KIAA1614: variants seen among roughly 807,000 people sequenced by gnomAD.
The protein encoded by KIAA1614 is uncharacterized protein KIAA1614.
In KIAA1614, 76 loss-of-function variants were observed where a neutral mutation model predicts 88.7. That is an observed-to-expected ratio of 0.86 (90% confidence interval 0.71 to 1.04). KIAA1614 has a LOEUF of 1.04. Ranked by LOEUF, KIAA1614 falls within the 50% of genes least tolerant of loss-of-function variation. The pLI is 0.00. For missense variants in KIAA1614, 1,553 were observed against 1,582.5 expected (o/e 0.98, Z 0.32); for synonymous variants, 714 against 675.5 (o/e 1.06, Z -0.88).
chr1:180,928,604 G>A (rs1654125282), intron 4 of KIAA1614, 31 bp downstream of exon 4: 1 of 1,602,440 alleles, frequency 6.2e-7, no homozygotes, highest in South Asian at 1.1e-5. Flanking sequence ...GCTAGCCTGG[G>A]AGGGCCATAG....
intron 3 of KIAA1614, among the ~76,000 whole-genome samples, chr1:180,921,556 C>T (rs1269842358): frequency 6.6e-6 from 1 of 152,168 alleles, no homozygotes; most frequent in Admixed American, 6.5e-5. Flanking sequence ...CTCTTGCCAT[C>T]GTGCAGCACT....
intron 1 of KIAA1614, chr1:180,914,108 A>T (rs1407841904): frequency 6.6e-6 from 1 of 151,302 alleles, no homozygotes; most frequent in Non-Finnish European, 1.5e-5. Context: ...ATAACTCCTA[A>T]TTTGTAGTGT....
rs1193479785 is a variant in KIAA1614 at position 180,916,804 on chromosome 1, C to T, written c.701C>T (p.Pro234Leu). ...PGHCNKIIHI[P>L]SPRTGRSYPF... ...CATTGTAACAAAATCATCCACATTCCCAGCCCAAGGACAGGAAGGTCCTAC... is the reference window on the plus strand; with the variant it reads ...CATTGTAACAAAATCATCCACATTCTCAGCCCAAGGACAGGAAGGTCCTAC... Residue 234 changes from proline (P) to leucine (L), a missense_variant, in exon 2 of 9, where the codon CCC (proline) becomes CTC (leucine). Transcript: ENST00000367588. The T allele has an allele frequency of 6.2e-7, 1 of 1,614,240 alleles. No homozygotes were observed. The highest frequency in any genetic ancestry group is 2.2e-5 in the East Asian group (1 of 44,892).
At chr1:180,937,965 G>A (rs1359739391) in intron 5 of KIAA1614, among the ~76,000 whole-genome samples, 1 of 152,150 alleles carries the variant, frequency 6.6e-6, no homozygotes, top group Non-Finnish European at 1.5e-5. Context: ...GGCCCTCGGC[G>A]AGTCCCTCAG....
chr1:180,913,257 A>C lies in KIAA1614; in HGVS notation c.14A>C (p.Glu5Ala). MEGT[E>A]AAAAKPAGGS... ...CCTCTCCGAGGGATGGAGGGGACAG[A>C]GGCGGCGGCGGCCAAACCCGCGGGC... Residue 5 changes from glutamate to alanine, a missense_variant, in exon 1 of 9, where the codon GAG becomes GCG. Physicochemically the swap from Glu to Ala is moderately radical, Grantham distance 107. Coordinates refer to ENST00000367588, the MANE Select transcript of KIAA1614 (RefSeq NM_020950.2). 1.6e-6 allele frequency: 2 copies of C among 1,261,696 alleles called. No individual in the cohort carries two copies. The highest frequency in any genetic ancestry group is 2.0e-6 in the Non-Finnish European group (2 of 997,708). The allele number at this position is 1,261,696 out of a possible 1,614,324, so 78.2% of individuals were successfully genotyped here.
At position 180,932,335 on chromosome 1, in the gene KIAA1614, G is replaced by A. The variant is rs534654653; in HGVS notation, c.1206-2780G>A. On this transcript the variant is annotated intron_variant, in intron 4 of 8. Transcript: ENST00000367588. ...GCAGGGCTGCAATATGACTTTCGGG[G>A]GCCCTAGGCACTTTTGCCTTCGTGG... Among the ~76,000 whole-genome samples the A allele has an allele frequency of 5.9e-5, 9 of 151,974 alleles. No homozygotes were observed. In the Middle Eastern group the frequency reaches 0.01, roughly 172 times the overall value.
At chr1:180,917,562 C>T (rs542511320) in intron 2 of KIAA1614, among the ~76,000 whole-genome samples, 58 of 152,122 alleles carry the variant, frequency 3.8e-4, no homozygotes, top group Admixed American at 7.8e-4. Flanking sequence ...GTACAAGTGT[C>T]CAAACCCTAG....
Position 180,943,033 on chromosome 1 carries a change from T to TTTTTTGTTTGTTTG in KIAA1614, c.3160-1351_3160-1350insGTTTGTTTGTTTTT, listed in dbSNP as rs1553260081. On this transcript the variant is annotated intron_variant, in intron 7 of 8. Coordinates refer to ENST00000367588, the MANE Select transcript of KIAA1614 (RefSeq NM_020950.2). ...TGGGAGGCTTAGTTTTTTGGGTTTT[T>TTTTTTGTTTGTTTG]TTTTTTTTTTTAAGATGGAGTCTCA... 6.0e-5 allele frequency among the ~76,000 whole-genome samples: 4 copies of TTTTTTGTTTGTTTG among 66,572 alleles called. No homozygotes were observed. In the East Asian group the frequency reaches 1.4e-3, roughly 24 times the overall value. The allele number at this position is 66,572 out of a possible 152,430, so 43.7% of individuals were successfully genotyped here.
rs1316618853 is a variant in KIAA1614, at chr1:180,936,322, G to A, written c.2413G>A (p.Gly805Ser). ...GCCAACAGCTTCCTTGTGTCCTGAA[G>A]GCTGGGCGCCAACCCCTCCCCCTTC... ...WQPTASLCPE[G>S]WAPTPPPSRK... The change falls in exon 5 of 9, where the codon GGC (glycine) becomes AGC (serine). Residue 805 changes from glycine to serine, a missense_variant. By Grantham distance (56) the Gly-to-Ser change is moderately conservative. Coordinates refer to ENST00000367588, the MANE Select transcript of KIAA1614 (RefSeq NM_020950.2). 6.2e-7 allele frequency: 1 copy of A among 1,614,146 alleles called. No individual in the cohort carries two copies.
intron 6 of KIAA1614, among the ~76,000 whole-genome samples, chr1:180,940,598 A>T (rs1041979019): frequency 2.0e-5 from 3 of 152,012 alleles, no homozygotes; most frequent in African/African-American, 7.3e-5. Flanking sequence ...CCCAAAAGCA[A>T]CCCAAGCAGA....
Position 180,935,843 on chromosome 1 carries a change from C to G in KIAA1614, c.1934C>G (p.Pro645Arg), listed in dbSNP as rs776463337. Residue 645 changes from proline to arginine, a missense_variant, in exon 5 of 9, where the codon CCG becomes CGG. By Grantham distance (103) the Pro-to-Arg change is moderately radical. Coordinates refer to ENST00000367588, the MANE Select transcript of KIAA1614 (RefSeq NM_020950.2). The surrounding 1 kb of genome is among the most constrained non-coding windows in gnomAD (Gnocchi z 6.1). ...WACGRTQGSS[P>R]RLRLRGSRPR... ...TGTGGGCGGACCCAAGGCAGCAGCC[C>G]GCGACTGCGACTGCGGGGCTCCAGG... 5.0e-6 allele frequency: 8 copies of G among 1,613,612 alleles called. No homozygotes were observed. The highest frequency in any genetic ancestry group is 4.0e-5 in the African/African-American group (3 of 75,044).
intron 7 of KIAA1614, 145 bp downstream of exon 7, chr1:180,941,430 G>T: frequency 3.9e-6 from 4 of 1,025,332 alleles, no homozygotes; most frequent in Non-Finnish European, 5.6e-6. Flanking sequence ...GCATCCCCAT[G>T]GTTGACCCAT....
Position 180,945,677 on chromosome 1 carries a change from C to T in KIAA1614, c.*89C>T. On this transcript the variant is annotated 3_prime_UTR_variant, in exon 9 of 9. Coordinates refer to ENST00000367588, the MANE Select transcript of KIAA1614 (RefSeq NM_020950.2). ...CTCTTTCTGAATTGTCCAGGGCTCT[C>T]TAGGAGTCTGCACCTGCAGAGCCTT... is the stretch of plus-strand genomic sequence containing the variant. 2 of 1,452,204 alleles carry T rather than the reference C, an allele frequency of 1.4e-6. No homozygotes were observed. The highest frequency in any genetic ancestry group is 6.1e-5 in the Admixed American group (2 of 32,810). The allele number at this position is 1,452,204 out of a possible 1,614,324, so 90.0% of individuals were successfully genotyped here.
At chr1:180,934,340 G>A (rs1000349183) in intron 4 of KIAA1614, among the ~76,000 whole-genome samples, 5 of 151,708 alleles carry the variant, frequency 3.3e-5, no homozygotes, top group Non-Finnish European at 7.4e-5. Context: ...TGTAATACCA[G>A]AACTTTGGGA....
At position 180,916,345 on chromosome 1, in the gene KIAA1614, C is replaced by G. The variant is rs573315494; in HGVS notation, c.242C>G (p.Ser81Cys). Residue 81 changes from serine to cysteine, a missense_variant, in exon 2 of 9, where the codon TCT (serine) becomes TGT (cysteine). Physicochemically the swap from Ser to Cys is moderately radical, Grantham distance 112 (BLOSUM62 -1). Transcript: ENST00000367588. ...RVWGVQLQGP[S>C]VLESKVRALK... ...TGGGGAGTACAGCTCCAGGGCCCCT[C>G]TGTGCTGGAATCCAAGGTGAGGGCT... 4 of 1,614,178 alleles carry G rather than the reference C, an allele frequency of 2.5e-6. No individual in the cohort carries two copies. Among genetic ancestry groups the G allele is most frequent in the African/African-American group, 2.7e-5 (2 of 75,050 alleles).
chr1:180,949,750 A>G lies in KIAA1614; in HGVS notation c.*4162A>G, dbSNP rs1654688869. 6.6e-6 allele frequency: 1 copy of G among 152,210 alleles called. No homozygotes were observed. The highest frequency in any genetic ancestry group is 6.5e-5 in the Admixed American group (1 of 15,280). 9.4% of individuals were successfully genotyped at this position (152,210 alleles called of 1,614,324 possible). On this transcript the variant is annotated 3_prime_UTR_variant, in exon 9 of 9. Coordinates refer to ENST00000367588, the MANE Select transcript of KIAA1614 (RefSeq NM_020950.2). ...GGGTTTTTTGCTCAGATGCTTCCCC[A>G]TCCCAATTGAGGAGCCATATCTGAG...
At position 180,928,562 on chromosome 1, in the gene KIAA1614, C is replaced by A; in HGVS notation, c.1194C>A (p.Thr398=). The change falls in exon 4 of 9, where the codon ACC becomes ACA. Residue 398 remains threonine (T), a synonymous_variant. Transcript: ENST00000367588. ...RASHDIVPTI[T]QGSRDGHRSP... Reference sequence around the variant, plus strand: ...GCCATGACATCGTGCCCACCATTACCCAGGGCAGCCGGTGAGTGGGACCTG... The same window carrying A: ...GCCATGACATCGTGCCCACCATTACACAGGGCAGCCGGTGAGTGGGACCTG... 1 of 1,612,182 alleles carries A rather than the reference C, an allele frequency of 6.2e-7. No individual in the cohort carries two copies. The highest frequency in any genetic ancestry group is 8.5e-7 in the Non-Finnish European group (1 of 1,179,428).
intron 3 of KIAA1614, among the ~76,000 whole-genome samples, chr1:180,922,813 C>T (rs897065212): frequency 6.6e-6 from 1 of 152,160 alleles, no homozygotes; most frequent in Non-Finnish European, 1.5e-5. Flanking sequence ...TCAGTTCTGA[C>T]ACTGTCTACC....
At chr1:180,926,389 C>T (rs1349837880) in intron 3 of KIAA1614, among the ~76,000 whole-genome samples, 1 of 151,206 alleles carries the variant, frequency 6.6e-6, no homozygotes, top group Non-Finnish European at 1.5e-5. Context: ...TGCATGGATG[C>T]CTCTAGGCGC....
Sources: gnomAD v4.1 joint callset for allele counts (sites outside exome capture counted in the v4.1 genomes callset) on GRCh38, gnomAD v4.1.1 for gene constraint, Gnocchi (gnomAD v3.1) non-coding constraint, MANE v1.5 for transcripts, NCBI Gene and HGNC (gene_info 2026-07-23, HGNC 2026-07-21) for gene names.